Variants in ZNF367 observed in about 807,000 individuals in gnomAD.
The protein encoded by ZNF367 is zinc finger protein 367, also known as C2H2 zinc finger protein ZFF29.
A neutral mutation model predicts 31.8 loss-of-function variants in ZNF367; 11 were observed. That is an observed-to-expected ratio of 0.35 (90% CI 0.22 to 0.57). The LOEUF (loss-of-function observed/expected upper bound fraction) is 0.57. ZNF367 is among the 20% of genes least tolerant of loss of function. ZNF367 has a pLI of 0.85. For synonymous variants in ZNF367, 199 were observed against 202.4 expected (o/e 0.98, Z 0.14); for missense variants, 353 against 484.1 (o/e 0.73, Z 2.54).
intron 1 of ZNF367, chr9:96,407,275 GC>G: frequency 6.8e-7 from 1 of 1,470,444 alleles, no homozygotes; most frequent in Non-Finnish European, 9.5e-7. Context: ...CGGCTCTGCG[GC>G]CGTCACCATG....
At chr9:96,410,642 G>A (rs184601336) in intron 1 of ZNF367, among the ~76,000 whole-genome samples, 3 of 144,762 alleles carry the variant, frequency 2.1e-5, no homozygotes, top group East Asian at 2.1e-4. Flanking sequence ...TGGGGAGGCC[G>A]AGGTGGGTGG....
At chr9:96,403,214 C>T (rs1831629646) in intron 1 of ZNF367, among the ~76,000 whole-genome samples, 2 of 152,188 alleles carry the variant, frequency 1.3e-5, no homozygotes, top group Non-Finnish European at 1.5e-5. Flanking sequence ...GTGATCCACC[C>T]GCCTTGGCCT....
chr9:96,393,169 A>G (rs1416751479), intron 3 of ZNF367, among the ~76,000 whole-genome samples: 1 of 152,234 alleles, frequency 6.6e-6, no homozygotes, highest in Non-Finnish European at 1.5e-5. Flanking sequence ...AGATGAACAA[A>G]GCTACACGTG....
At chr9:96,412,481 G>A (rs535396658) in intron 1 of ZNF367, among the ~76,000 whole-genome samples, 2 of 152,220 alleles carry the variant, frequency 1.3e-5, no homozygotes, top group African/African-American at 2.4e-5. Context: ...AGAGGGAGGC[G>A]TGTGAACCTT....
At chr9:96,396,125 C>T (rs1392435063) in intron 2 of ZNF367, among the ~76,000 whole-genome samples, 1 of 152,106 alleles carries the variant, frequency 6.6e-6, no homozygotes, top group Non-Finnish European at 1.5e-5. Context: ...CCTTTCAGTT[C>T]CTTGATGTAC....
At chr9:96,410,566 A>AC (rs1483934216) in intron 1 of ZNF367, among the ~76,000 whole-genome samples, 1 of 146,564 alleles carries the variant, frequency 6.8e-6, no homozygotes, top group Non-Finnish European at 1.5e-5. Context: ...CGTCTCAAAA[A>AC]AAAAAAAAAA....
In ZNF367 at chr9:96,387,200, A is replaced by C. The variant is rs1001779423; in HGVS notation, c.*1037T>G. The stretch of plus-strand genomic sequence containing the variant: ...GTTTAACTGATAGCTAAATTTAGTG[A>C]ACACAAAATAGCTTGGCATGTTACT... On this transcript the variant is annotated 3_prime_UTR_variant, in exon 5 of 5. Coordinates refer to ENST00000375256, the MANE Select transcript of ZNF367 (RefSeq NM_153695.4). 4.6e-5 allele frequency: 7 copies of C among 152,224 alleles called. No homozygotes were observed. The highest frequency in any genetic ancestry group is 1.4e-4 in the African/African-American group (6 of 41,464). 9.4% of individuals were successfully genotyped at this position (152,224 alleles called of 1,614,324 possible). A position where few individuals can be genotyped will look rare whatever the true frequency, so the allele number is the denominator to read the frequency against.
At chr9:96,402,043 G>A (rs1179151650) in intron 1 of ZNF367, among the ~76,000 whole-genome samples, 2 of 151,544 alleles carry the variant, frequency 1.3e-5, no homozygotes, top group African/African-American at 2.4e-5. Context: ...AGGTCATGAG[G>A]TCAAGAGATC....
At chr9:96,413,690 T>C (rs1831781655) in intron 1 of ZNF367, among the ~76,000 whole-genome samples, 2 of 152,058 alleles carry the variant, frequency 1.3e-5, no homozygotes, top group African/African-American at 2.4e-5. Context: ...AGATAATATA[T>C]AATTATATGC....
rs1831484533 is a variant in ZNF367, at chr9:96,392,530, A to T, written c.698T>A (p.Leu233Gln). 6.2e-7 allele frequency: 1 copy of T among 1,602,394 alleles called. No homozygotes were observed. The change falls in exon 4 of 5, where the codon CTG becomes CAG. Residue 233 changes from leucine to glutamine, a missense_variant. By Grantham distance (113) the Leu-to-Gln change is moderately radical. Around this residue, in one of 5 missense-constraint regions of ZNF367, gnomAD observed 57 missense variants for 141.9 expected, o/e 0.40. Coordinates refer to ENST00000375256, the MANE Select transcript of ZNF367 (RefSeq NM_153695.4). Reference sequence around the variant, plus strand: ...GCGGTTTGCATGGGTGAATCTGCTCAGGCAGCCTTCAAAACACAAGGTTAA... The same window carrying T: ...GCGGTTTGCATGGGTGAATCTGCTCTGGCAGCCTTCAAAACACAAGGTTAA... Reference protein sequence around the residue: ...KPFVCSENGCLSRFTHANRHC... With the variant: ...KPFVCSENGCQSRFTHANRHC...
intron 1 of ZNF367, chr9:96,407,253 G>A (rs1831682232): frequency 8.0e-7 from 1 of 1,252,054 alleles, no homozygotes; most frequent in Non-Finnish European, 1.2e-6. Flanking sequence ...GCACCCCAGG[G>A]GCTGCTCCTG....
intron 1 of ZNF367, among the ~76,000 whole-genome samples, chr9:96,407,972 T>G (rs912175941): frequency 7.2e-5 from 10 of 138,844 alleles, no homozygotes; most frequent in African/African-American, 2.9e-4. Flanking sequence ...AAAGTTTTAA[T>G]GGAACACAAA....
At chr9:96,390,118 C>A (rs908965077) in intron 4 of ZNF367, among the ~76,000 whole-genome samples, 4 of 151,334 alleles carry the variant, frequency 2.6e-5, no homozygotes, top group African/African-American at 9.7e-5. Flanking sequence ...TTTAGCCAGG[C>A]TGATCTTGAA....
chr9:96,415,550 T>C (rs1290027223), intron 1 of ZNF367, among the ~76,000 whole-genome samples: 1 of 119,796 alleles, frequency 8.3e-6, no homozygotes, highest in Non-Finnish European at 1.6e-5. Context: ...CAGGCTGGAG[T>C]GCAATGGCGC....
Position 96,417,889 on chromosome 9 carries a change from CCCTCCA to C in ZNF367, c.138_143del (p.Gly47_Gly48del). On this transcript the variant is annotated inframe_deletion, in exon 1 of 5. Coordinates refer to ENST00000375256, the MANE Select transcript of ZNF367 (RefSeq NM_153695.4). This position sits in a 1 kb window ranked among gnomAD's most constrained non-coding sequence, Gnocchi z 5.0. ...TGAGCGGCGGCGGCGGCTCCGGCTCCCCTCCACCGCCGCACGTTGGCTTGATCGGGG... is the reference window on the plus strand; with the variant it reads ...TGAGCGGCGGCGGCGGCTCCGGCTCCCCGCCGCACGTTGGCTTGATCGGGG... The C allele has an allele frequency of 6.6e-7, 1 of 1,520,036 alleles. No individual in the cohort carries two copies. The highest frequency in any genetic ancestry group is 8.7e-7 in the Non-Finnish European group (1 of 1,143,066). 94.2% of individuals were successfully genotyped at this position (1,520,036 alleles called of 1,614,324 possible). A position where few individuals can be genotyped will look rare whatever the true frequency, so the allele number is the denominator to read the frequency against.
Position 96,417,750 on chromosome 9 carries a change from G to C in ZNF367, c.283C>G (p.Leu95Val). The change falls in exon 1 of 5, where the codon CTG becomes GTG. Residue 95 changes from leucine to valine, a missense_variant. By Grantham distance (32) the Leu-to-Val change is conservative (BLOSUM62 1). This residue lies in a region of ZNF367 where 70 missense variants were observed against 57.1 expected (regional missense o/e 1.23). Transcript: ENST00000375256. This position sits in a 1 kb window ranked among gnomAD's most constrained non-coding sequence, Gnocchi z 5.0. Reference protein sequence around the residue: ...GAAGAAASAALPAAAAAEHSG... With the variant: ...GAAGAAASAAVPAAAAAEHSG... ...TGCTCGGCGGCTGCGGCTGCAGGCA[G>C]GGCGGCCGAGGCGGCGGCCCCCGCG... is the stretch of plus-strand genomic sequence containing the variant. 8.1e-7 allele frequency: 1 copy of C among 1,233,432 alleles called. No individual in the cohort carries two copies. Among genetic ancestry groups the C allele is most frequent in the Non-Finnish European group, 1.0e-6 (1 of 987,250 alleles). 76.4% of individuals were successfully genotyped at this position (1,233,432 alleles called of 1,614,324 possible). A position where few individuals can be genotyped will look rare whatever the true frequency, so the allele number is the denominator to read the frequency against.
intron 1 of ZNF367, among the ~76,000 whole-genome samples, chr9:96,416,568 C>G (rs185641226): frequency 1.3e-5 from 2 of 152,298 alleles, no homozygotes; most frequent in Admixed American, 1.3e-4. Context: ...TGATCAAACT[C>G]GTTTCAACTT....
intron 1 of ZNF367, among the ~76,000 whole-genome samples, chr9:96,402,255 CA>C (rs1202241063): frequency 4.6e-5 from 7 of 150,744 alleles, no homozygotes; most frequent in Admixed American, 4.0e-4. Flanking sequence ...ACTCCATCTC[CA>C]AAAAAAAGAA....
chr9:96,408,783 G>A (rs927794492), intron 1 of ZNF367, among the ~76,000 whole-genome samples: 1 of 152,190 alleles, frequency 6.6e-6, no homozygotes, highest in African/African-American at 2.4e-5. Flanking sequence ...TTTTTAAAAT[G>A]TCAGAAGGCA....
Sources: gnomAD v4.1 joint callset for allele counts (sites outside exome capture counted in the v4.1 genomes callset) on GRCh38, gnomAD v4.1.1 for gene constraint, gnomAD v4.1.1 regional missense constraint, Gnocchi (gnomAD v3.1) non-coding constraint, MANE v1.5 for transcripts, NCBI Gene and HGNC (gene_info 2026-07-23, HGNC 2026-07-21) for gene names.